TBPL2: variants seen among roughly 807,000 people sequenced by gnomAD.
TBPL2 encodes TATA box-binding protein-like 2.
In TBPL2, 40 loss-of-function variants were observed where a neutral mutation model predicts 38.2. The ratio of observed to expected loss-of-function variants is 1.05; its 90% CI spans 0.81 to 1.36. The LOEUF (loss-of-function observed/expected upper bound fraction) is 1.36, where lower values mean the gene tolerates loss of function less well. TBPL2 is among the 40% of genes most tolerant of loss of function. The pLI is 0.00. For missense variants in TBPL2, 461 were observed against 456.7 expected, an observed-to-expected ratio of 1.01 and a Z score of -0.09; for synonymous variants, 169 against 171.7, an observed-to-expected ratio of 0.98 and a Z score of 0.12.
chr14:55,417,078 T>A (rs1885679970), intron 6 of TBPL2, among the ~76,000 whole-genome samples: 1 of 152,218 alleles, frequency 6.6e-6, no homozygotes, highest in Non-Finnish European at 1.5e-5. Context: ...AATGGACATT[T>A]GAGGGATCAT....
intron 5 of TBPL2, among the ~76,000 whole-genome samples, chr14:55,427,872 T>C (rs1885852075): frequency 6.7e-6 from 1 of 149,980 alleles, no homozygotes; most frequent in African/African-American, 2.5e-5. Flanking sequence ...ACAAACTAGT[T>C]AGGATTGCTT....
chr14:55,436,956 T>C (rs777252068), exon 2 of TBPL2: 1 of 1,614,216 alleles, frequency 6.2e-7, no homozygotes, highest in East Asian at 2.2e-5. Context: ...ATGCATTCAG[T>C]ATGTACATAT....
intron 6 of TBPL2, among the ~76,000 whole-genome samples, chr14:55,418,773 A>G (rs1382823188): frequency 6.6e-6 from 1 of 152,226 alleles, no homozygotes; most frequent in Non-Finnish European, 1.5e-5. Context: ...TCCTATCATC[A>G]GGGCAAGGCA....
intron 5 of TBPL2, among the ~76,000 whole-genome samples, chr14:55,427,859 G>A (rs1056263225): frequency 6.6e-6 from 1 of 151,570 alleles, no homozygotes; most frequent in Non-Finnish European, 1.5e-5. Flanking sequence ...ACACAGATAG[G>A]GGACAAACTA....
chr14:55,423,654 A>G (rs1210544309), intron 6 of TBPL2, among the ~76,000 whole-genome samples: 1 of 152,254 alleles, frequency 6.6e-6, no homozygotes, highest in Non-Finnish European at 1.5e-5. Flanking sequence ...CATAACACAC[A>G]TAAATTATGT....
chr14:55,426,654 C>G (rs1291591811), intron 5 of TBPL2, among the ~76,000 whole-genome samples: 1 of 150,076 alleles, frequency 6.7e-6, no homozygotes, highest in Non-Finnish European at 1.5e-5. Flanking sequence ...GAGGGGGAGG[C>G]AAGAATGAGA....
At chr14:55,424,693 A>C (rs567277538) in intron 5 of TBPL2, among the ~76,000 whole-genome samples, 1 of 152,366 alleles carries the variant, frequency 6.6e-6, no homozygotes, top group East Asian at 1.9e-4. Flanking sequence ...ATAGAACCTA[A>C]AAATATTTCT....
intron 6 of TBPL2, among the ~76,000 whole-genome samples, chr14:55,416,888 G>A (rs1033265650): frequency 5.9e-5 from 9 of 152,200 alleles, no homozygotes; most frequent in Non-Finnish European, 8.8e-5. Context: ...ATTTTGGACA[G>A]CCATGAACTT....
rs571798815 is a variant in TBPL2, at chr14:55,427,538, T to C, written c.956+1269A>G. Among the ~76,000 whole-genome samples, 291 of 152,240 alleles carry C rather than the reference T, an allele frequency of 1.9e-3. 2 individuals carry two copies. Among genetic ancestry groups the C allele is most frequent in the African/African-American group, 6.8e-3 (282 of 41,550 alleles). ...GCCAAGAGAAGATAAGGCGTTGGAA[T>C]GAAAGAACTTCAGTTCCAGCTTGGC... On this transcript the variant is annotated intron_variant, in intron 5 of 6. Coordinates refer to ENST00000247219, the Ensembl canonical transcript of TBPL2.
intron 6 of TBPL2, among the ~76,000 whole-genome samples, chr14:55,421,768 C>T (rs1185464040): frequency 2.0e-5 from 3 of 152,088 alleles, no homozygotes; most frequent in Non-Finnish European, 2.9e-5. Context: ...CAGAAACTTT[C>T]CCCTCTTTGA....
chr14:55,430,880 A>G (rs1885915138), intron 4 of TBPL2, among the ~76,000 whole-genome samples: 1 of 152,206 alleles, frequency 6.6e-6, no homozygotes, highest in Non-Finnish European at 1.5e-5. Context: ...CATTTCCCGT[A>G]ATGTAAATAA....
At chr14:55,436,178 A>G (rs569751229) in intron 2 of TBPL2, among the ~76,000 whole-genome samples, 4 of 152,242 alleles carry the variant, frequency 2.6e-5, no homozygotes, top group Admixed American at 6.5e-5. Flanking sequence ...TTTTTTCAAA[A>G]CAATGCCTCA....
intron 6 of TBPL2, among the ~76,000 whole-genome samples, chr14:55,422,600 C>T (rs1885761401): frequency 6.6e-6 from 1 of 152,092 alleles, no homozygotes; most frequent in African/African-American, 2.4e-5. Context: ...ACCTGTAGTC[C>T]CAGCACTTTG....
At chr14:55,431,682 T>A (rs529035139) in intron 4 of TBPL2, among the ~76,000 whole-genome samples, 1 of 152,154 alleles carries the variant, frequency 6.6e-6, no homozygotes, top group South Asian at 2.1e-4. Flanking sequence ...TAAAAACAGA[T>A]TGGGGGAAAT....
At chr14:55,438,745 TC>T (rs1886056141) in intron 1 of TBPL2, 1 of 152,250 alleles carries the variant, frequency 6.6e-6, no homozygotes, top group Non-Finnish European at 1.5e-5. Flanking sequence ...GTTCACTGCA[TC>T]CTTGGCTTCA....
At chr14:55,429,374 G>A (rs1480989054) in intron 4 of TBPL2, among the ~76,000 whole-genome samples, 3 of 152,190 alleles carry the variant, frequency 2.0e-5, no homozygotes, top group Non-Finnish European at 4.4e-5. Context: ...TGGGGGTGGG[G>A]CCGAGCAATC....
At chr14:55,415,683 G>A (rs1413761787) in intron 6 of TBPL2, among the ~76,000 whole-genome samples, 3 of 151,912 alleles carry the variant, frequency 2.0e-5, no homozygotes, top group African/African-American at 7.3e-5. Flanking sequence ...TGGCCAACAC[G>A]GCGAAACCCC....
At chr14:55,428,648 A>G (rs1885871235) in intron 5 of TBPL2, among the ~76,000 whole-genome samples, 159 bp downstream of exon 5, 4 of 151,988 alleles carry the variant, frequency 2.6e-5, no homozygotes, top group Admixed American at 2.6e-4. Flanking sequence ...GTGGTAACCT[A>G]TGAGAACTCA....
At chr14:55,433,642 G>A (rs768840194) in exon 4 of TBPL2, 16 of 1,613,806 alleles carry the variant, frequency 9.9e-6, no homozygotes, top group African/African-American at 5.3e-5. Flanking sequence ...TTTGGCTCCC[G>A]TGCAGACCAT....
Sources: gnomAD v4.1 joint callset for allele counts (sites outside exome capture counted in the v4.1 genomes callset) on GRCh38, gnomAD v4.1.1 for gene constraint, MANE v1.5 for transcripts, NCBI Gene and HGNC (gene_info 2026-07-23, HGNC 2026-07-21) for gene names.